The following MTHFD1L variants were observed in gnomAD, a reference collection of about 807,000 sequenced individuals.
MTHFD1L encodes the protein monofunctional C1-tetrahydrofolate synthase, mitochondrial.
In MTHFD1L, 81 loss-of-function variants were observed where a neutral mutation model predicts 119.5. The observed-to-expected ratio is 0.68, with a 90% CI of 0.57 to 0.82. The LOEUF (loss-of-function observed/expected upper bound fraction) is 0.82. MTHFD1L is among the 40% of genes least tolerant of loss of function. MTHFD1L has a pLI of 0.00. For synonymous variants in MTHFD1L, 430 were observed against 475.2 expected, an observed-to-expected ratio of 0.90 and a Z score of 1.24; for missense variants, 1,125 against 1,253.4, an observed-to-expected ratio of 0.90 and a Z score of 1.55.
At chr6:150,928,211 G>A (rs1239142329) in intron 11 of MTHFD1L, among the ~76,000 whole-genome samples, 1 of 151,922 alleles carries the variant, frequency 6.6e-6, no homozygotes, top group Non-Finnish European at 1.5e-5. Flanking sequence ...CGAGGCAGGT[G>A]GATCACAAGG....
intron 20 of MTHFD1L, among the ~76,000 whole-genome samples, chr6:150,984,285 C>T (rs147186341): frequency 5.9e-5 from 9 of 152,042 alleles, no homozygotes; most frequent in African/African-American, 2.2e-4. Flanking sequence ...CTTCGCCTGT[C>T]AGGATAATAG....
chr6:151,011,055 C>T (rs1189419300), intron 21 of MTHFD1L, among the ~76,000 whole-genome samples: 8 of 152,172 alleles, frequency 5.3e-5, no homozygotes, highest in Non-Finnish European at 1.5e-5. Context: ...CCGAGAACTT[C>T]AGATCTAAAT....
At chr6:151,018,671 T>C (rs1039438458) in intron 24 of MTHFD1L, among the ~76,000 whole-genome samples, 2 of 152,062 alleles carry the variant, frequency 1.3e-5, no homozygotes, top group African/African-American at 2.4e-5. Context: ...GTGTGTGTAT[T>C]GGAGGTCTGG....
intron 7 of MTHFD1L, among the ~76,000 whole-genome samples, chr6:150,904,695 T>A (rs1785596554): frequency 6.6e-6 from 1 of 152,174 alleles, no homozygotes. Flanking sequence ...TTGGTTAAAG[T>A]CAAAGCCAAC....
In MTHFD1L at chr6:150,984,859, C is replaced by T. The variant is rs59742199; in HGVS notation, c.2125+12801C>T. Among the ~76,000 whole-genome samples, 975 of 152,082 alleles carry T rather than the reference C, an allele frequency of 6.4e-3. 10 individuals carry two copies. The highest frequency in any genetic ancestry group is 0.022 in the African/African-American group (931 of 41,486). On this transcript the variant is annotated intron_variant, in intron 20 of 27. Coordinates refer to ENST00000367321, the MANE Select transcript of MTHFD1L (RefSeq NM_015440.5). ...CCAATATAATTCATGTGTCATTTTC[C>T]GCTATAATACAATGAAAATCCAGAT...
chr6:151,085,383 A>G (rs1793699094), intron 26 of MTHFD1L, among the ~76,000 whole-genome samples: 1 of 152,180 alleles, frequency 6.6e-6, no homozygotes, highest in South Asian at 2.1e-4. Context: ...CAGTGTGGTA[A>G]TTTTTATAGT....
chr6:151,058,471 C>G (rs1003678071), intron 26 of MTHFD1L, among the ~76,000 whole-genome samples: 2 of 152,242 alleles, frequency 1.3e-5, no homozygotes, highest in Non-Finnish European at 2.9e-5. Context: ...TACTGGCTGA[C>G]AGCCAGCCAG....
rs143906718 is a variant in MTHFD1L at position 150,875,122 on chromosome 6, C to T, written c.228-968C>T. ...CCAGGCTGGAGTGCAGTGGTGCAGT[C>T]ATAGCTTACTACAGCCTCAAACTCA... On this transcript the variant is annotated intron_variant, in intron 1 of 27. Transcript: ENST00000367321. Among the ~76,000 whole-genome samples, 479 of 151,786 alleles carry T rather than the reference C, an allele frequency of 3.2e-3. 2 individuals are homozygous for T. Among genetic ancestry groups the T allele is most frequent in the African/African-American group, 0.011 (437 of 41,390 alleles).
At chr6:150,944,669 G>T (rs1488388748) in intron 14 of MTHFD1L, 76 bp downstream of exon 14, 3 of 1,053,618 alleles carry the variant, frequency 2.8e-6, no homozygotes, top group East Asian at 2.5e-5. Context: ...TTTGTGGAAA[G>T]AATTCTGGTG....
At chr6:150,996,353 T>C (rs1313839619) in intron 20 of MTHFD1L, among the ~76,000 whole-genome samples, 2 of 152,012 alleles carry the variant, frequency 1.3e-5, no homozygotes, top group Non-Finnish European at 2.9e-5. Flanking sequence ...CTTTCCTTTT[T>C]TTGCAGAGGT....
intron 7 of MTHFD1L, among the ~76,000 whole-genome samples, chr6:150,902,921 A>G (rs1486814887): frequency 6.6e-6 from 1 of 152,122 alleles, no homozygotes; most frequent in Non-Finnish European, 1.5e-5. Flanking sequence ...TTTTGCTGCT[A>G]TTCTGCCTGA....
At chr6:151,033,325 G>A (rs545202395) in intron 24 of MTHFD1L, among the ~76,000 whole-genome samples, 10 of 151,942 alleles carry the variant, frequency 6.6e-5, no homozygotes, top group African/African-American at 9.7e-5. Context: ...TCACCATGTT[G>A]GCCACGCTGA....
At chr6:151,018,911 A>G (rs1294768637) in intron 24 of MTHFD1L, among the ~76,000 whole-genome samples, 1 of 152,236 alleles carries the variant, frequency 6.6e-6, no homozygotes, top group Non-Finnish European at 1.5e-5. Flanking sequence ...ATTCTGGACT[A>G]CAGAGGCGGT....
intron 1 of MTHFD1L, among the ~76,000 whole-genome samples, chr6:150,875,316 T>C (rs898603365): frequency 2.6e-5 from 4 of 152,144 alleles, no homozygotes; most frequent in Non-Finnish European, 5.9e-5. Flanking sequence ...CTCAAAGTGC[T>C]GGGACTACAG....
intron 18 of MTHFD1L, among the ~76,000 whole-genome samples, chr6:150,961,240 CACG>C: frequency 6.6e-6 from 1 of 152,052 alleles, no homozygotes; most frequent in Non-Finnish European, 1.5e-5. Flanking sequence ...ATTACAGGCG[CACG>C]CCACCACGCC....
At chr6:150,901,848 T>A (rs1785147556) in intron 7 of MTHFD1L, among the ~76,000 whole-genome samples, 1 of 152,248 alleles carries the variant, frequency 6.6e-6, no homozygotes, top group African/African-American at 2.4e-5. Context: ...TTTATTCAGC[T>A]GACCCTCATG....
At chr6:150,876,624 C>T (rs1780489817) in intron 2 of MTHFD1L, among the ~76,000 whole-genome samples, 1 of 152,218 alleles carries the variant, frequency 6.6e-6, no homozygotes, top group Non-Finnish European at 1.5e-5. Flanking sequence ...AGTCATTACC[C>T]TGTCAAAAGG....
In MTHFD1L at chr6:151,094,791, G is replaced by A. The variant is rs968513925; in HGVS notation, c.*31+2204G>A. Reference sequence around the variant, plus strand: ...ACTCCTGACCTCAGGTGATCCACCCGCCTCAGCCTCCCAAAGTGCTGAGAT... The same window carrying A: ...ACTCCTGACCTCAGGTGATCCACCCACCTCAGCCTCCCAAAGTGCTGAGAT... On this transcript the variant is annotated intron_variant, in intron 27 of 27. Transcript: ENST00000367321. 3.3e-5 allele frequency among the ~76,000 whole-genome samples: 5 copies of A among 151,626 alleles called. No individual in the cohort carries two copies. The East Asian group carries it at 5.8e-4, about 18-fold the overall frequency.
At chr6:151,100,591 A>G (rs551241764) in intron 27 of MTHFD1L, among the ~76,000 whole-genome samples, 4 of 151,166 alleles carry the variant, frequency 2.6e-5, no homozygotes, top group African/African-American at 9.7e-5. Context: ...TTGCATTTAC[A>G]TTTTAGAGAG....
Sources: allele counts gnomAD v4.1 joint callset (sites outside exome capture counted in the v4.1 genomes callset), GRCh38; gene constraint gnomAD v4.1.1; transcripts MANE v1.5; gene names NCBI Gene and HGNC (gene_info 2026-07-23, HGNC 2026-07-21).